The following MEGF10 variants were observed in gnomAD, a reference collection of about 807,000 sequenced individuals.
MEGF10 encodes the protein multiple epidermal growth factor-like domains protein 10.
In MEGF10, 86 loss-of-function variants were observed where a neutral mutation model predicts 147.5. The observed-to-expected ratio is 0.58, with a 90% CI of 0.49 to 0.70. The LOEUF (loss-of-function observed/expected upper bound fraction) is 0.70. Ranked by LOEUF, MEGF10 falls within the 30% of genes least tolerant of loss-of-function variation. The pLI is 0.00. For synonymous variants in MEGF10, 478 were observed against 525.5 expected (o/e 0.91, Z 1.24); for missense variants, 1,329 against 1,487.3 (o/e 0.89, Z 1.75).
the MEGF10 span, among the ~76,000 whole-genome samples, chr5:127,239,440 A>G: frequency 1.4e-5 from 2 of 144,264 alleles, no homozygotes; most frequent in Admixed American, 1.4e-4. Context: ...TAAACACAGT[A>G]TATATATATA....
intron 11 of MEGF10, among the ~76,000 whole-genome samples, chr5:127,419,563 A>G (rs1764906889): frequency 6.6e-6 from 1 of 152,156 alleles, no homozygotes; most frequent in Admixed American, 6.5e-5. Flanking sequence ...GCCAAGCACC[A>G]ATTTTATATG....
At chr5:127,277,179 C>G in the MEGF10 span, among the ~76,000 whole-genome samples, 1 of 152,150 alleles carries the variant, frequency 6.6e-6, no homozygotes, top group Non-Finnish European at 1.5e-5. Context: ...GCACTCATTT[C>G]CCCAGGTGCA....
chr5:127,322,155 G>A (rs1407802415), intron 1 of MEGF10, among the ~76,000 whole-genome samples: 3 of 149,616 alleles, frequency 2.0e-5, no homozygotes, highest in East Asian at 2.0e-4. Flanking sequence ...GGTTGATCAT[G>A]TTCCATTTTC....
chr5:127,387,132 A>C (rs1763462419), intron 5 of MEGF10, among the ~76,000 whole-genome samples: 1 of 152,214 alleles, frequency 6.6e-6, no homozygotes, highest in African/African-American at 2.4e-5. Context: ...AAATGAGTTC[A>C]TCTATTTTTA....
chr5:127,379,064 C>CTT (rs35798578), intron 5 of MEGF10, among the ~76,000 whole-genome samples: 26 of 121,470 alleles, frequency 2.1e-4, no homozygotes, highest in African/African-American at 7.0e-4. Context: ...ATTGATTTTT[C>CTT]TTTTTTTTTT....
At chr5:127,299,097 A>C (rs1323390242) in intron 1 of MEGF10, among the ~76,000 whole-genome samples, 1 of 152,194 alleles carries the variant, frequency 6.6e-6, no homozygotes, top group African/African-American at 2.4e-5. Context: ...CCAAGGAAGA[A>C]TTATTTTCTA....
intron 20 of MEGF10, among the ~76,000 whole-genome samples, chr5:127,447,270 G>A (rs1365633224): frequency 6.6e-6 from 1 of 152,148 alleles, no homozygotes; most frequent in Non-Finnish European, 1.5e-5. Context: ...CTACCTCCGG[G>A]GTTCAAGCGA....
chr5:127,254,430 G>C, the MEGF10 span, among the ~76,000 whole-genome samples: 5 of 152,104 alleles, frequency 3.3e-5, no homozygotes, highest in South Asian at 1.0e-3. Context: ...AAATGCAAAA[G>C]CTTTTTTTAT....
At chr5:127,432,712 ATTAGAG>A (rs1372874206) in intron 13 of MEGF10, among the ~76,000 whole-genome samples, 1 of 152,140 alleles carries the variant, frequency 6.6e-6, no homozygotes, top group African/African-American at 2.4e-5. Context: ...AGTATTTAAA[ATTAGAG>A]TTAAACAACT....
At chr5:127,277,871 G>T in the MEGF10 span, among the ~76,000 whole-genome samples, 10 of 152,302 alleles carry the variant, frequency 6.6e-5, no homozygotes, top group Non-Finnish European at 1.5e-4. Flanking sequence ...CTGAGATGGA[G>T]ATGACAAGGA....
chr5:127,328,591 A>T (rs1272692169), intron 1 of MEGF10, among the ~76,000 whole-genome samples: 4 of 152,232 alleles, frequency 2.6e-5, no homozygotes, highest in African/African-American at 9.6e-5. Flanking sequence ...TTTTTACATT[A>T]AAATAAAACT....
the MEGF10 span, among the ~76,000 whole-genome samples, chr5:127,237,498 A>G: frequency 1.3e-5 from 2 of 152,174 alleles, no homozygotes; most frequent in Non-Finnish European, 2.9e-5. Flanking sequence ...TCTCCAAAAA[A>G]ATAAAAAAAA....
chr5:127,461,036 T>C lies in MEGF10; in HGVS notation c.*3718T>C, dbSNP rs1766540662. ...TGATATGACTGAATTGCAATCTATATTTTTAAAAAGAAAAATCAAAATACA... is the reference window on the plus strand; with the variant it reads ...TGATATGACTGAATTGCAATCTATACTTTTAAAAAGAAAAATCAAAATACA... On this transcript the variant is annotated 3_prime_UTR_variant, in exon 25 of 25. Transcript: ENST00000503335. 6.6e-6 allele frequency: 1 copy of C among 152,208 alleles called. No individual in the cohort carries two copies. The highest frequency in any genetic ancestry group is 1.5e-5 in the Non-Finnish European group (1 of 68,028). The allele number at this position is 152,208 out of a possible 1,614,324, so 9.4% of individuals were successfully genotyped here.
intron 4 of MEGF10, among the ~76,000 whole-genome samples, chr5:127,343,322 A>G (rs973953651): frequency 1.4e-4 from 21 of 152,136 alleles, no homozygotes; most frequent in Non-Finnish European, 2.9e-4. Context: ...TATGTACTCA[A>G]GTAGCACCTT....
chr5:127,422,631 A>G (rs1479293843), intron 12 of MEGF10, 39 bp from the exon 13 acceptor site: 1 of 1,525,736 alleles, frequency 6.6e-7, no homozygotes, highest in Non-Finnish European at 9.1e-7. Flanking sequence ...GGGATTTCCC[A>G]GGCCCTCATT....
chr5:127,420,027 G>T lies in MEGF10; in HGVS notation c.1427-17G>T. ...TGCCTTTGTTCGCTCACGTGCTCTG[G>T]CGTTCTTGTCGCACAGGCTGGCACG... On this transcript the variant is annotated splice_polypyrimidine_tract_variant and intron_variant, in intron 11 of 24. Coordinates refer to ENST00000503335, the MANE Select transcript of MEGF10 (RefSeq NM_001256545.2). The T allele has an allele frequency of 6.2e-7, 1 of 1,613,054 alleles. No homozygotes were observed. Among genetic ancestry groups the T allele is most frequent in the Middle Eastern group, 1.7e-4 (1 of 5,926 alleles).
At chr5:127,455,744 T>C in intron 24 of MEGF10, 137 bp downstream of exon 24, 1 of 704,700 alleles carries the variant, frequency 1.4e-6, no homozygotes, top group Non-Finnish European at 2.2e-6. Flanking sequence ...TATTTTATTT[T>C]ATTTTATGTA....
intron 20 of MEGF10, 121 bp from the exon 21 acceptor site, chr5:127,447,436 C>G (rs573516822): frequency 1.5e-5 from 21 of 1,372,780 alleles, no homozygotes; most frequent in Non-Finnish European, 2.0e-5. Context: ...CTTGGCCTCC[C>G]AAAGTGCTGG....
At chr5:127,426,078 T>G (rs1399779358) in intron 13 of MEGF10, among the ~76,000 whole-genome samples, 1 of 152,148 alleles carries the variant, frequency 6.6e-6, no homozygotes, top group East Asian at 1.9e-4. Flanking sequence ...GAGCCAGAGA[T>G]AAGAGTCAGG....
Sources: gnomAD v4.1 joint callset for allele counts (sites outside exome capture counted in the v4.1 genomes callset) on GRCh38, gnomAD v4.1.1 for gene constraint, MANE v1.5 for transcripts, NCBI Gene and HGNC (gene_info 2026-07-23, HGNC 2026-07-21) for gene names.